NCAPD3: variants seen among roughly 807,000 people sequenced by gnomAD.
The protein encoded by NCAPD3 is condensin-2 complex subunit D3.
NCAPD3 carries 105 observed loss-of-function variants against 182.9 expected under a neutral mutation model. That is an observed-to-expected ratio of 0.57 (90% confidence interval 0.49 to 0.68). The LOEUF (loss-of-function observed/expected upper bound fraction) is 0.68, where lower values mean the gene tolerates loss of function less well. Ranked by LOEUF, NCAPD3 falls within the 30% of genes least tolerant of loss-of-function variation. The pLI, the probability that NCAPD3 is intolerant of heterozygous loss-of-function variation, is 0.00. For missense variants in NCAPD3, 1,944 were observed against 1,837.0 expected (o/e 1.06, Z -1.07); for synonymous variants, 815 against 679.9 (o/e 1.20, Z -3.09).
chr11:134,169,973 T>C (rs953568680), intron 24 of NCAPD3, among the ~76,000 whole-genome samples: 13 of 152,230 alleles, frequency 8.5e-5, no homozygotes, highest in African/African-American at 2.9e-4. Context: ...TGTCAAAGAC[T>C]GTCCAAACAG....
intron 27 of NCAPD3, among the ~76,000 whole-genome samples, chr11:134,165,974 C>CACT (rs1359440891): frequency 4.0e-5 from 4 of 98,836 alleles, no homozygotes; most frequent in East Asian, 3.5e-4. Flanking sequence ...GGGGCACACT[C>CACT]AGTGAGATGA....
intron 16 of NCAPD3, among the ~76,000 whole-genome samples, chr11:134,189,773 C>T (rs1252913822): frequency 6.6e-6 from 1 of 152,146 alleles, no homozygotes; most frequent in Non-Finnish European, 1.5e-5. Flanking sequence ...ATTCCTTTAT[C>T]ATTATAAGTA....
chr11:134,214,538 G>T (rs1262255882), intron 3 of NCAPD3, among the ~76,000 whole-genome samples: 1 of 152,098 alleles, frequency 6.6e-6, no homozygotes, highest in Non-Finnish European at 1.5e-5. Flanking sequence ...AAAGTAAGAA[G>T]AAAGGAAATC....
In NCAPD3 at chr11:134,211,359, A is replaced by G. The variant is rs568529607; in HGVS notation, c.383-905T>C. Among the ~76,000 whole-genome samples, 4 of 152,188 alleles carry G rather than the reference A, an allele frequency of 2.6e-5. No individual in the cohort carries two copies. The South Asian group carries it at 6.2e-4, about 24-fold the overall frequency. On this transcript the variant is annotated intron_variant, in intron 3 of 34. Coordinates refer to ENST00000534548, the MANE Select transcript of NCAPD3 (RefSeq NM_015261.3). ...CACTCAACAACATTCCAAATGCCCA[A>G]CATCCTGGCTAAGGGCAGTGGCTCA... is the stretch of plus-strand genomic sequence containing the variant.
chr11:134,158,559 T>C (rs762766945), intron 29 of NCAPD3, 64 bp from the exon 30 acceptor site: 24 of 1,520,406 alleles, frequency 1.6e-5, no homozygotes, highest in Non-Finnish European at 2.2e-5. Flanking sequence ...AACGGATATA[T>C]GATAGTTGTA....
intron 8 of NCAPD3, among the ~76,000 whole-genome samples, chr11:134,205,242 C>G (rs1248387572): frequency 2.0e-5 from 3 of 152,100 alleles, no homozygotes; most frequent in Non-Finnish European, 4.4e-5. Flanking sequence ...TGACTACTTA[C>G]TAAATTTCAT....
chr11:134,161,057 G>A (rs991639711), intron 28 of NCAPD3, among the ~76,000 whole-genome samples: 13 of 151,646 alleles, frequency 8.6e-5, no homozygotes, highest in African/African-American at 3.2e-4. Context: ...TGGCTTCCTA[G>A]TATAAAAAGC....
At chr11:134,183,857 G>C (rs1015249765) in intron 19 of NCAPD3, among the ~76,000 whole-genome samples, 2 of 152,134 alleles carry the variant, frequency 1.3e-5, no homozygotes, top group Admixed American at 1.3e-4. Flanking sequence ...AGGTAGTTGG[G>C]GAGATCAGCT....
Position 134,194,686 on chromosome 11 carries a change from G to T in NCAPD3, c.1668C>A (p.Asn556Lys). ...LRRRIRDEKT[N>K]VRKSALQVLV... ...CCACCTGCAGTGCAGACTTCCTAAC[G>T]TTGGTCTTCTCATCCCTGATCCTCC... Residue 556 changes from asparagine (N) to lysine (K), a missense_variant, in exon 14 of 35, where the codon AAC (asparagine) becomes AAA (lysine). Transcript: ENST00000534548. 6.2e-7 allele frequency: 1 copy of T among 1,606,214 alleles called. No individual in the cohort carries two copies. The highest frequency in any genetic ancestry group is 8.5e-7 in the Non-Finnish European group (1 of 1,176,342).
chr11:134,222,403 C>A (rs919747684), intron 1 of NCAPD3, among the ~76,000 whole-genome samples: 1 of 152,100 alleles, frequency 6.6e-6, no homozygotes, highest in African/African-American at 2.4e-5. Flanking sequence ...ACTTAGGATA[C>A]CAAAAAAAGC....
chr11:134,173,876 G>A (rs151206110), intron 24 of NCAPD3, among the ~76,000 whole-genome samples: 1,953 of 151,666 alleles, frequency 0.013, 35 homozygotes, highest in African/African-American at 0.044. Flanking sequence ...CAGGAGAATC[G>A]CTTGAACCAG....
chr11:134,212,346 G>C (rs1009619214), intron 3 of NCAPD3, among the ~76,000 whole-genome samples: 2 of 150,124 alleles, frequency 1.3e-5, no homozygotes, highest in African/African-American at 4.9e-5. Flanking sequence ...CAAGAGGAGA[G>C]GAGAAAGGAA....
chr11:134,224,048 C>T (rs1938354550), upstream of NCAPD3: 1 of 1,221,634 alleles, frequency 8.2e-7, no homozygotes, highest in Middle Eastern at 1.9e-4. Flanking sequence ...CCAACCACCG[C>T]GCCGAGCCGT....
chr11:134,182,378 T>A (rs542239321), intron 19 of NCAPD3, among the ~76,000 whole-genome samples: 19 of 152,340 alleles, frequency 1.2e-4, no homozygotes, highest in African/African-American at 4.3e-4. Flanking sequence ...TTGGTCCAGA[T>A]AGGTTGTCTG....
chr11:134,178,559 C>A, intron 22 of NCAPD3, 75 bp downstream of exon 22: 1 of 1,179,894 alleles, frequency 8.5e-7, no homozygotes, highest in Non-Finnish European at 1.2e-6. Context: ...TGACACAGTC[C>A]CATGGCTGGG....
chr11:134,157,447 G>T (rs543389842), intron 31 of NCAPD3, among the ~76,000 whole-genome samples: 7 of 152,314 alleles, frequency 4.6e-5, no homozygotes, highest in Non-Finnish European at 1.0e-4. Flanking sequence ...TACTGTGATA[G>T]TATTTGTATG....
chr11:134,160,183 G>A (rs772036472), intron 28 of NCAPD3, 109 bp from the exon 29 acceptor site: 52 of 1,089,658 alleles, frequency 4.8e-5, no homozygotes, highest in African/African-American at 1.4e-4. Context: ...CATCCTGCAC[G>A]TGTACCCCTG....
intron 24 of NCAPD3, among the ~76,000 whole-genome samples, chr11:134,175,513 G>A (rs968318165): frequency 7.2e-5 from 11 of 151,994 alleles, no homozygotes; most frequent in South Asian, 2.1e-4. Flanking sequence ...AAACTTCCAC[G>A]GAACTCAGGG....
chr11:134,193,320 A>G (rs894114741), intron 15 of NCAPD3, among the ~76,000 whole-genome samples: 2 of 152,210 alleles, frequency 1.3e-5, no homozygotes, highest in Non-Finnish European at 2.9e-5. Flanking sequence ...ACTAGTAAAC[A>G]AAAGTAAATT....
Sources: gnomAD v4.1 joint callset for allele counts (sites outside exome capture counted in the v4.1 genomes callset) on GRCh38, gnomAD v4.1.1 for gene constraint, MANE v1.5 for transcripts, NCBI Gene and HGNC (gene_info 2026-07-23, HGNC 2026-07-21) for gene names.